UNC80: variants seen among roughly 807,000 people sequenced by gnomAD.
The protein encoded by UNC80 is unc-80 subunit of NALCN channel complex.
In UNC80, 164 loss-of-function variants were observed where a neutral mutation model predicts 384.6. The observed-to-expected ratio is 0.43, with a 90% CI of 0.38 to 0.49. UNC80 has a LOEUF of 0.49. Ranked by LOEUF, UNC80 falls within the 20% of genes least tolerant of loss-of-function variation. The pLI is 0.00. For missense variants in UNC80, 3,330 were observed against 4,143.0 expected (o/e 0.80, Z 5.39); for synonymous variants, 1,486 against 1,527.8 (o/e 0.97, Z 0.64).
chr2:209,945,227 T>C, intron 46 of UNC80, 38 bp downstream of exon 46: 1 of 1,540,508 alleles, frequency 6.5e-7, no homozygotes, highest in Non-Finnish European at 8.8e-7. Flanking sequence ...TTTTTCTCAC[T>C]GCAGTTGTTA....
At position 209,983,753 on chromosome 2, in the gene UNC80, A is replaced by G. The variant is rs940969748; in HGVS notation, c.9258-1103A>G. Among the ~76,000 whole-genome samples the G allele has an allele frequency of 2.0e-5, 3 of 152,166 alleles. 1 individual carries two copies. The highest frequency in any genetic ancestry group is 4.4e-5 in the Non-Finnish European group (3 of 68,020). ...TCAATTTCCTTTTTACATATTCATT[A>G]AGGGGTCAAGTTGTTTGCAGGGAGA... On this transcript the variant is annotated intron_variant, in intron 60 of 64. Coordinates refer to ENST00000673920, the MANE Select transcript of UNC80 (RefSeq NM_001371986.1).
chr2:209,783,182 G>T (rs1008572938), intron 4 of UNC80, among the ~76,000 whole-genome samples: 7 of 152,092 alleles, frequency 4.6e-5, no homozygotes, highest in Admixed American at 4.6e-4. Flanking sequence ...CTGAAATGTG[G>T]GGATATTGCC....
chr2:209,931,039 C>T lies in UNC80; in HGVS notation c.5979C>T (p.Ile1993=). The T allele has an allele frequency of 4.5e-6, 7 of 1,549,238 alleles. No individual in the cohort carries two copies. Among genetic ancestry groups the T allele is most frequent in the Middle Eastern group, 1.7e-4 (1 of 5,978 alleles). Residue 1993 remains isoleucine, a synonymous_variant, in exon 38 of 65, where the codon ATC becomes ATT. Transcript: ENST00000673920. ...IGDFPAQTSH[I]LFNYLVGLIM... ...ACTTTCCTGCTCAGACATCTCACAT[C>T]CTATTCAACTATTTGGTGAGTTATA...
Position 209,772,143 on chromosome 2 carries a change from C to G in UNC80, c.71C>G (p.Thr24Ser). 1 of 1,547,320 alleles carries G rather than the reference C, an allele frequency of 6.5e-7. No homozygotes were observed. The highest frequency in any genetic ancestry group is 8.7e-7 in the Non-Finnish European group (1 of 1,145,562). ...CGCGGCATCCCCCTGCCCATCCAGA[C>G]CTTCCTGTGGCGGCAAACCAGGTGA... is the stretch of plus-strand genomic sequence containing the variant. Reference protein sequence around the residue: ...GGRGIPLPIQTFLWRQTSAFL... With the variant: ...GGRGIPLPIQSFLWRQTSAFL... The change falls in exon 1 of 65, where the codon ACC becomes AGC. Residue 24 changes from threonine (T) to serine (S), a missense_variant. Around this residue, in one of 8 missense-constraint regions of UNC80, gnomAD observed 86 missense variants for 141.5 expected, o/e 0.61. Coordinates refer to ENST00000673920, the MANE Select transcript of UNC80 (RefSeq NM_001371986.1).
chr2:209,898,132 A>G lies in UNC80; in HGVS notation c.4581+1719A>G, dbSNP rs34598996. ...TTCTTTTTTAAATAGTGTCTTTCTA[A>G]GAGTTTTTCAATTTTGTCTTTTAAA... On this transcript the variant is annotated intron_variant, in intron 28 of 64. Transcript: ENST00000673920. Among the ~76,000 whole-genome samples the G allele has an allele frequency of 3.3e-3, 495 of 152,146 alleles. 2 individuals carry two copies. Among genetic ancestry groups the G allele is most frequent in the South Asian group, 0.017 (82 of 4,830 alleles).
intron 21 of UNC80, among the ~76,000 whole-genome samples, chr2:209,844,504 C>T (rs12472714): frequency 0.066 from 5,623 of 85,080 alleles, 146 homozygotes; most frequent in East Asian, 0.13. Context: ...TCCTTCCTTC[C>T]TTCCTTCCTT....
At chr2:209,809,576 G>T in intron 7 of UNC80, 1 of 823,016 alleles carries the variant, frequency 1.2e-6, no homozygotes, top group Non-Finnish European at 2.0e-6. Flanking sequence ...GGGGGCCCTC[G>T]CTGACCCTAG....
At chr2:209,773,635 CAG>C (rs1360150243) in intron 2 of UNC80, among the ~76,000 whole-genome samples, 1 of 152,134 alleles carries the variant, frequency 6.6e-6, no homozygotes, top group Non-Finnish European at 1.5e-5. Flanking sequence ...GAAGAGAAGG[CAG>C]AGAGATAACA....
intron 23 of UNC80, among the ~76,000 whole-genome samples, chr2:209,877,159 T>C (rs2084852555): frequency 1.3e-5 from 2 of 152,148 alleles, no homozygotes; most frequent in Admixed American, 6.5e-5. Context: ...GTCTCTTCTA[T>C]TGTTGCATGC....
intron 14 of UNC80, among the ~76,000 whole-genome samples, chr2:209,826,319 A>G (rs1439784303): frequency 6.6e-6 from 1 of 152,218 alleles, no homozygotes; most frequent in East Asian, 1.9e-4. Context: ...TATAATTGGA[A>G]TGTGTGAATT....
chr2:209,839,566 C>A lies in UNC80; in HGVS notation c.3250+136C>A. The A allele has an allele frequency of 1.1e-6, 1 of 909,976 alleles. No individual in the cohort carries two copies. Among genetic ancestry groups the A allele is most frequent in the Non-Finnish European group, 1.6e-6 (1 of 606,144 alleles). 56.4% of individuals were successfully genotyped at this position (909,976 alleles called of 1,614,324 possible). ...CCTAGACTGACTTCATTCATTCATT[C>A]ATTTAATTTTTCCCACAGTATTTTT... On this transcript the variant is annotated intron_variant, in intron 19 of 64. Coordinates refer to ENST00000673920, the MANE Select transcript of UNC80 (RefSeq NM_001371986.1). This position sits in a 1 kb window ranked among gnomAD's most constrained non-coding sequence, Gnocchi z 4.1.
At chr2:209,823,538 A>G (rs1473996179) in intron 13 of UNC80, among the ~76,000 whole-genome samples, 1 of 152,198 alleles carries the variant, frequency 6.6e-6, no homozygotes, top group African/African-American at 2.4e-5. Flanking sequence ...AAGGATTACT[A>G]CCATTCAGAG....
At position 209,849,583 on chromosome 2, in the gene UNC80, C is replaced by A; in HGVS notation, c.3587C>A (p.Thr1196Lys). Residue 1196 changes from threonine to lysine, a missense_variant, in exon 22 of 65, where the codon ACA (threonine) becomes AAA (lysine). Physicochemically the swap from Thr to Lys is moderately conservative, Grantham distance 78 (BLOSUM62 -1). Transcript: ENST00000673920. The stretch of plus-strand genomic sequence containing the variant: ...CTGTTAAACTGCTGTGAGCCAGGGA[C>A]AATTCCTGATGCCTCCATCCTAGCA... Reference protein sequence around the residue: ...QFLLNCCEPGTIPDASILAAA... With the variant: ...QFLLNCCEPGKIPDASILAAA... 1 of 1,550,758 alleles carries A rather than the reference C, an allele frequency of 6.4e-7. No individual in the cohort carries two copies. The highest frequency in any genetic ancestry group is 8.7e-7 in the Non-Finnish European group (1 of 1,146,488).
chr2:209,819,270 C>T lies in UNC80; in HGVS notation c.1962+9C>T. The T allele has an allele frequency of 6.5e-7, 1 of 1,540,528 alleles. No individual in the cohort carries two copies. Among genetic ancestry groups the T allele is most frequent in the South Asian group, 1.2e-5 (1 of 82,262 alleles). On this transcript the variant is annotated intron_variant, in intron 12 of 64. Transcript: ENST00000673920. The stretch of plus-strand genomic sequence containing the variant: ...GAATGCTTGATCTTTCTGTAAGAAG[C>T]AAGAATTTTTCTTACCAAAGTTAGA...
At chr2:209,894,854 C>G (rs2086660336) in intron 27 of UNC80, among the ~76,000 whole-genome samples, 1 of 152,196 alleles carries the variant, frequency 6.6e-6, no homozygotes, top group African/African-American at 2.4e-5. Context: ...TTTAAAGTCT[C>G]TATTTACCAG....
intron 22 of UNC80, among the ~76,000 whole-genome samples, chr2:209,855,131 T>C (rs1368713984): frequency 2.0e-5 from 3 of 152,178 alleles, no homozygotes; most frequent in Admixed American, 2.0e-4. Context: ...AGGAATGAGA[T>C]CATGTCTTTT....
chr2:209,956,566 T>C (rs1282501053), intron 48 of UNC80, among the ~76,000 whole-genome samples: 1 of 150,190 alleles, frequency 6.7e-6, no homozygotes, highest in Non-Finnish European at 1.5e-5. Context: ...GAATCCTTTT[T>C]TTTTTAAATT....
rs2076608997 is a variant in UNC80, at chr2:209,772,167, G to A, written c.92+3G>A. ...ACCTTCCTGTGGCGGCAAACCAGGT[G>A]AGGGGCGCAGAGGGCGCACCGCGGG... On this transcript the variant is annotated splice_donor_region_variant and intron_variant, in intron 1 of 64. Coordinates refer to ENST00000673920, the MANE Select transcript of UNC80 (RefSeq NM_001371986.1). 6.5e-7 allele frequency: 1 copy of A among 1,538,612 alleles called. No homozygotes were observed. The highest frequency in any genetic ancestry group is 2.0e-5 in the Admixed American group (1 of 50,528).
At chr2:209,805,862 C>G (rs1433741212) in intron 7 of UNC80, among the ~76,000 whole-genome samples, 1 of 152,090 alleles carries the variant, frequency 6.6e-6, no homozygotes, top group Non-Finnish European at 1.5e-5. Flanking sequence ...TGGGAAGGGA[C>G]CACAATAGAA....
Sources: allele counts gnomAD v4.1 joint callset (sites outside exome capture counted in the v4.1 genomes callset), GRCh38; gene constraint gnomAD v4.1.1; regional missense constraint gnomAD v4.1.1; non-coding constraint Gnocchi (gnomAD v3.1); transcripts MANE v1.5; gene names NCBI Gene and HGNC (gene_info 2026-07-23, HGNC 2026-07-21).